Variants in EMSY observed in about 807,000 individuals in gnomAD.
EMSY encodes the protein EMSY transcriptional repressor, BRCA2 interacting.
EMSY carries 26 observed loss-of-function variants against 134.6 expected under a neutral mutation model. That is an observed-to-expected ratio of 0.19 (90% CI 0.14 to 0.27). EMSY has a LOEUF of 0.27. Among genes scored for constraint, EMSY ranks in the 10% least tolerant of loss-of-function variants. The probability of loss-of-function intolerance (pLI) is 1.00; values close to 1 mark genes in which losing one functional copy is unlikely to be tolerated. For synonymous variants in EMSY, 579 were observed against 577.8 expected (o/e 1.00, Z -0.03); for missense variants, 1,305 against 1,611.4 (o/e 0.81, Z 3.26).
intron 12 of EMSY, among the ~76,000 whole-genome samples, chr11:76,525,998 T>G (rs1398948797): frequency 3.3e-5 from 5 of 152,154 alleles, no homozygotes; most frequent in Non-Finnish European, 5.9e-5. Flanking sequence ...TGTGTGTGCA[T>G]TTAGCTACTG....
intron 7 of EMSY, among the ~76,000 whole-genome samples, chr11:76,468,656 A>G (rs944946781): frequency 4.6e-5 from 7 of 152,256 alleles, no homozygotes; most frequent in African/African-American, 1.7e-4. Context: ...TATATTAAGT[A>G]TAATTATTTA....
intron 4 of EMSY, among the ~76,000 whole-genome samples, chr11:76,455,842 C>T (rs1028587727): frequency 6.6e-6 from 1 of 152,170 alleles, no homozygotes; most frequent in African/African-American, 2.4e-5. Flanking sequence ...AATTGGACCA[C>T]TCTTGCCCAT....
At chr11:76,481,478 C>G (rs76569442) in intron 8 of EMSY, among the ~76,000 whole-genome samples, 1,552 of 152,318 alleles carry the variant, frequency 0.01, 26 homozygotes, top group East Asian at 0.058. Context: ...TGGACGCCAG[C>G]AAGCTAAGAT....
rs1435526306 is a variant in EMSY, at chr11:76,446,880, T to C, written c.-39-20T>C. The C allele has an allele frequency of 7.5e-6, 11 of 1,463,072 alleles. No individual in the cohort carries two copies. The highest frequency in any genetic ancestry group is 2.4e-5 in the East Asian group (1 of 41,594). 90.6% of individuals were successfully genotyped at this position (1,463,072 alleles called of 1,614,324 possible). A position where few individuals can be genotyped will look rare whatever the true frequency, so the allele number is the denominator to read the frequency against. Reference sequence around the variant, plus strand: ...ACTTTGGTACTTTGGTAATTTGACTTTTTTTTTTTGTTCTGGTAGGGAGGA... The same window carrying C: ...ACTTTGGTACTTTGGTAATTTGACTCTTTTTTTTTGTTCTGGTAGGGAGGA... On this transcript the variant is annotated intron_variant, in intron 1 of 20. Coordinates refer to ENST00000334736, the Ensembl canonical transcript of EMSY.
At position 76,549,970 on chromosome 11, in the gene EMSY, A is replaced by G. The variant is rs750608981; in HGVS notation, c.3793A>G (p.Ile1265Val). The G allele has an allele frequency of 3.1e-6, 5 of 1,611,682 alleles. No homozygotes were observed. In the Admixed American group the frequency reaches 5.0e-5, roughly 16 times the overall value. Residue 1265 changes from isoleucine to valine, a missense_variant, in exon 21 of 21, where the codon ATT becomes GTT. Coordinates refer to ENST00000334736, the Ensembl canonical transcript of EMSY. ...CTTCCAGGCTATTCCTCAGTATGCT[A>G]TTCCTTGTCACTCCAGCTCCAATGT...
At chr11:76,456,780 ATTCCT>A (rs1947890429) in intron 4 of EMSY, among the ~76,000 whole-genome samples, 2 of 152,312 alleles carry the variant, frequency 1.3e-5, no homozygotes, top group African/African-American at 4.8e-5. Context: ...GCTCTTAGAA[ATTCCT>A]TTCTGAGCTG....
intron 11 of EMSY, among the ~76,000 whole-genome samples, chr11:76,518,175 T>G (rs1305880032): frequency 3.3e-5 from 5 of 149,464 alleles, no homozygotes; most frequent in Non-Finnish European, 3.0e-5. Flanking sequence ...TTCTTTTTTT[T>G]TTTTTTTTTT....
At chr11:76,462,597 G>A (rs1948169940) in intron 6 of EMSY, among the ~76,000 whole-genome samples, 1 of 152,196 alleles carries the variant, frequency 6.6e-6, no homozygotes. Flanking sequence ...ATGGCTTGTA[G>A]GATGATGATT....
chr11:76,445,373 G>A (rs1947334404), intron 1 of EMSY, among the ~76,000 whole-genome samples: 1 of 152,130 alleles, frequency 6.6e-6, no homozygotes, highest in Admixed American at 6.5e-5. Context: ...GGTATCCGCT[G>A]GCTTACTCTC....
chr11:76,503,378 A>G (rs1268911585), intron 9 of EMSY, among the ~76,000 whole-genome samples: 1 of 151,788 alleles, frequency 6.6e-6, no homozygotes. Context: ...ACTACAAACC[A>G]ATGGTAATCA....
intron 18 of EMSY, 55 bp downstream of exon 19, chr11:76,542,422 G>A (rs1165781506): frequency 6.4e-7 from 1 of 1,561,250 alleles, no homozygotes; most frequent in Non-Finnish European, 8.8e-7. Flanking sequence ...CTTGAAATAA[G>A]ATTCAGTGTC....
At chr11:76,473,472 AT>A (rs1269428384) in intron 8 of EMSY, among the ~76,000 whole-genome samples, 1 of 150,626 alleles carries the variant, frequency 6.6e-6, no homozygotes, top group African/African-American at 2.4e-5. Context: ...ATACCCGGCT[AT>A]TTTTTTTGTA....
At chr11:76,527,057 G>A (rs946625741) in intron 13 of EMSY, among the ~76,000 whole-genome samples, 1 of 152,058 alleles carries the variant, frequency 6.6e-6, no homozygotes, top group African/African-American at 2.4e-5. Context: ...CAATAGATAA[G>A]CTAGAGTTGT....
chr11:76,546,952 T>C (rs547100065), intron 20 of EMSY: 6 of 389,110 alleles, frequency 1.5e-5, no homozygotes, highest in South Asian at 9.9e-5. Context: ...ATTAACACAA[T>C]AGAATTATTC....
intron 8 of EMSY, among the ~76,000 whole-genome samples, chr11:76,483,207 G>T (rs1334793777): frequency 3.9e-5 from 6 of 152,198 alleles, no homozygotes; most frequent in Non-Finnish European, 7.3e-5. Flanking sequence ...AATGCTGAGA[G>T]ATTTTTGTCA....
exon 21 of EMSY, chr11:76,551,540 G>A (rs1397784524): frequency 2.0e-5 from 3 of 152,682 alleles, no homozygotes; most frequent in Non-Finnish European, 4.4e-5. Context: ...TCCCACTAGA[G>A]TGACACTGAA....
intron 9 of EMSY, among the ~76,000 whole-genome samples, chr11:76,503,313 A>G (rs1349924042): frequency 6.6e-6 from 1 of 150,954 alleles, no homozygotes. Flanking sequence ...AAAAAAAAAA[A>G]AAAAAAAAAA....
rs767290112 is a variant in EMSY at position 76,496,409 on chromosome 11, C to A, written c.1303C>A (p.Pro435Thr). Residue 435 changes from proline (P) to threonine (T), a missense_variant, in exon 9 of 21, where the codon CCT (proline) becomes ACT (threonine). Physicochemically the swap from Pro to Thr is conservative, Grantham distance 38. This residue lies in a region of EMSY where 180 missense variants were observed against 171.1 expected (regional missense o/e 1.05). Coordinates refer to ENST00000334736, the Ensembl canonical transcript of EMSY. ...TTCTCCAGTATCTCATCAGCAACAG[C>A]CTCAGCAGTCTCCTTTGCCACCTGG... 13 of 1,614,004 alleles carry A rather than the reference C, an allele frequency of 8.1e-6. No homozygotes were observed. In the South Asian group the frequency reaches 1.3e-4, roughly 16 times the overall value.
intron 8 of EMSY, among the ~76,000 whole-genome samples, chr11:76,484,138 C>G (rs1949088558): frequency 6.6e-6 from 1 of 152,216 alleles, no homozygotes; most frequent in African/African-American, 2.4e-5. Context: ...ACAACCTGCT[C>G]CTGAATGACT....
Sources: gnomAD v4.1 joint callset for allele counts (sites outside exome capture counted in the v4.1 genomes callset) on GRCh38, gnomAD v4.1.1 for gene constraint, gnomAD v4.1.1 regional missense constraint, MANE v1.5 for transcripts, NCBI Gene and HGNC (gene_info 2026-07-23, HGNC 2026-07-21) for gene names.